Variants in LRRC49 observed in about 807,000 individuals in gnomAD.
The protein encoded by LRRC49 is leucine rich repeat containing 49.
LRRC49 carries 50 observed loss-of-function variants against 83.3 expected under a neutral mutation model. The observed-to-expected ratio is 0.60, with a 90% CI of 0.48 to 0.76. LRRC49 has a LOEUF of 0.76. Ranked by LOEUF, LRRC49 falls within the 30% of genes least tolerant of loss-of-function variation. LRRC49 has a pLI of 0.00. For missense variants in LRRC49, 704 were observed against 809.1 expected (o/e 0.87, Z 1.58); for synonymous variants, 286 against 283.3 (o/e 1.01, Z -0.10).
intron 11 of LRRC49, among the ~76,000 whole-genome samples, chr15:71,006,507 CT>C (rs2038463363): frequency 6.6e-6 from 1 of 152,128 alleles, no homozygotes; most frequent in South Asian, 2.1e-4. Flanking sequence ...GTCTATATCA[CT>C]GATTCTGCCC....
chr15:70,963,762 A>G, intron 8 of LRRC49, 23 bp from the exon 9 acceptor site: 1 of 1,608,956 alleles, frequency 6.2e-7, no homozygotes. Flanking sequence ...AGAATAATCC[A>G]GTGGTTTCTG....
intron 1 of LRRC49, among the ~76,000 whole-genome samples, chr15:70,872,082 C>T (rs2033059050): frequency 6.6e-6 from 1 of 152,228 alleles, no homozygotes; most frequent in Admixed American, 6.5e-5. Context: ...CGAGATCACG[C>T]CACTGCACTC....
chr15:70,903,910 T>C (rs1300668928), intron 4 of LRRC49, among the ~76,000 whole-genome samples: 5 of 152,204 alleles, frequency 3.3e-5, no homozygotes, highest in African/African-American at 1.2e-4. Flanking sequence ...CCTGTAGCAC[T>C]CTAAATGTTC....
intron 2 of LRRC49, among the ~76,000 whole-genome samples, chr15:70,885,885 A>T (rs1469643578): frequency 6.6e-6 from 1 of 152,204 alleles, no homozygotes; most frequent in Non-Finnish European, 1.5e-5. Context: ...CAGTACGCAC[A>T]TTCATCTCAA....
At chr15:70,947,463 T>C (rs1432587359) in intron 8 of LRRC49, among the ~76,000 whole-genome samples, 1 of 152,012 alleles carries the variant, frequency 6.6e-6, no homozygotes, top group African/African-American at 2.4e-5. Context: ...ACAGAGAACA[T>C]ACAAAGACGT....
Position 70,911,520 on chromosome 15 carries a change from T to C in LRRC49, c.501-12T>C, listed in dbSNP as rs779336067. ...ACATCCGTATTTCTATTCTACTTAT[T>C]CTGGTTTTCAGAATCAAGAAAATCT... On this transcript the variant is annotated splice_polypyrimidine_tract_variant and intron_variant, in intron 5 of 15. Coordinates refer to ENST00000260382, the MANE Select transcript of LRRC49 (RefSeq NM_017691.5). The C allele has an allele frequency of 2.0e-6, 3 of 1,481,024 alleles. No individual in the cohort carries two copies. The highest frequency in any genetic ancestry group is 1.9e-5 in the Admixed American group (1 of 53,952). 91.7% of individuals were successfully genotyped at this position (1,481,024 alleles called of 1,614,324 possible). A position where few individuals can be genotyped will look rare whatever the true frequency, so the allele number is the denominator to read the frequency against.
chr15:70,865,194 C>T (rs10851833), intron 1 of LRRC49, among the ~76,000 whole-genome samples: 83,089 of 151,996 alleles, frequency 0.55, 23,474 homozygotes, highest in Admixed American at 0.69. Flanking sequence ...CTCTATTCTG[C>T]TTAGTGGTTA....
Position 71,050,653 on chromosome 15 carries a change from G to T in LRRC49, c.*1041G>T, listed in dbSNP as rs1561691. On this transcript the variant is annotated 3_prime_UTR_variant, in exon 16 of 16. Transcript: ENST00000260382. ...GGGAAAACAGGACTAGAAGATGTAC[G>T]ACAGCAAAGACATGCAGAGACATGC... is the stretch of plus-strand genomic sequence containing the variant. 3 of 151,952 alleles carry T rather than the reference G, an allele frequency of 2.0e-5. No individual in the cohort carries two copies. Among genetic ancestry groups the T allele is most frequent in the African/African-American group, 7.3e-5 (3 of 41,324 alleles). The allele number at this position is 151,952 out of a possible 1,614,324, so 9.4% of individuals were successfully genotyped here. A position where few individuals can be genotyped will look rare whatever the true frequency, so the allele number is the denominator to read the frequency against.
chr15:70,882,747 G>A, intron 2 of LRRC49: 1 of 1,613,796 alleles, frequency 6.2e-7, no homozygotes, highest in Non-Finnish European at 8.5e-7. Flanking sequence ...ATCCATTGAA[G>A]AGTCAAAACA....
intron 11 of LRRC49, among the ~76,000 whole-genome samples, chr15:70,990,637 C>T (rs1265670804): frequency 6.6e-6 from 1 of 152,214 alleles, no homozygotes; most frequent in Admixed American, 6.5e-5. Context: ...GTGCGCTGCA[C>T]CCACTGTCCT....
intron 6 of LRRC49, among the ~76,000 whole-genome samples, chr15:70,916,345 A>G (rs2141129161): frequency 6.6e-6 from 1 of 152,156 alleles, no homozygotes; most frequent in Middle Eastern, 3.4e-3. Context: ...CCCAGGCTGG[A>G]GTGCAGTGGC....
chr15:70,990,645 C>T (rs1241882836), intron 11 of LRRC49, among the ~76,000 whole-genome samples: 23 of 152,204 alleles, frequency 1.5e-4, no homozygotes, highest in Admixed American at 1.5e-3. Context: ...CACCCACTGT[C>T]CTGCGCCCAC....
rs746923783 is a variant in LRRC49 at position 70,895,922 on chromosome 15, A to G, written c.179A>G (p.Tyr60Cys). The part of the protein sequence containing the change: ...RLLQHDLERN[Y>C]SSRQGDHINL... ...TTACAACATGACCTTGAAAGAAACT[A>G]CTCAAGTAGGCAAGGTATTGTCAGT... Residue 60 changes from tyrosine to cysteine, a missense_variant, in exon 3 of 16, where the codon TAC (tyrosine) becomes TGC (cysteine). Transcript: ENST00000260382. The G allele has an allele frequency of 4.4e-6, 7 of 1,603,416 alleles. No homozygotes were observed. In the African/African-American group the frequency reaches 8.0e-5, roughly 18 times the overall value.
intron 1 of LRRC49, 110 bp downstream of exon 1, chr15:70,893,052 T>C: frequency 1.6e-6 from 2 of 1,246,036 alleles, no homozygotes; most frequent in South Asian, 1.2e-5. Flanking sequence ...CTGGGTCTAC[T>C]CAAGCTATTG....
chr15:70,881,815 T>G (rs2033271138), intron 2 of LRRC49: 2 of 152,244 alleles, frequency 1.3e-5, no homozygotes, highest in South Asian at 4.1e-4. Context: ...CAAACAGATT[T>G]CATTAATAAG....
Position 71,012,949 on chromosome 15 carries a change from C to T in LRRC49, c.1703+36C>T, listed in dbSNP as rs2038705286. The T allele has an allele frequency of 2.3e-6, 3 of 1,286,308 alleles. No individual in the cohort carries two copies. The African/African-American group carries it at 4.5e-5, about 19-fold the overall frequency. 79.7% of individuals were successfully genotyped at this position (1,286,308 alleles called of 1,614,324 possible). A position where few individuals can be genotyped will look rare whatever the true frequency, so the allele number is the denominator to read the frequency against. On this transcript the variant is annotated intron_variant, in intron 14 of 15. Coordinates refer to ENST00000260382, the MANE Select transcript of LRRC49 (RefSeq NM_017691.5). ...ATTTTTGTAGTTTTTTATAGAATTA[C>T]TGTTACACTAGAAAAAGAAATAAAT...
chr15:70,943,732 A>G (rs1054176478), intron 8 of LRRC49, among the ~76,000 whole-genome samples: 3 of 152,146 alleles, frequency 2.0e-5, no homozygotes, highest in Non-Finnish European at 4.4e-5. Context: ...CACTTGCCCA[A>G]CTCCAGTGTG....
chr15:71,049,839 G>C lies in LRRC49; in HGVS notation c.*227G>C. On this transcript the variant is annotated 3_prime_UTR_variant, in exon 16 of 16. Coordinates refer to ENST00000260382, the MANE Select transcript of LRRC49 (RefSeq NM_017691.5). ...TATGTGAGGACCAAACAACCTTTGGGAACTAAACAGTTTTCAGAGATGGCG... is the reference window on the plus strand; with the variant it reads ...TATGTGAGGACCAAACAACCTTTGGCAACTAAACAGTTTTCAGAGATGGCG... 2.3e-6 allele frequency: 1 copy of C among 442,402 alleles called. No individual in the cohort carries two copies. The highest frequency in any genetic ancestry group is 3.6e-5 in the South Asian group (1 of 28,060). The allele number at this position is 442,402 out of a possible 1,614,324, so 27.4% of individuals were successfully genotyped here.
intron 14 of LRRC49, among the ~76,000 whole-genome samples, chr15:71,017,820 A>G (rs1051709933): frequency 6.6e-6 from 1 of 152,300 alleles, no homozygotes; most frequent in Non-Finnish European, 1.5e-5. Context: ...AAGCATACAT[A>G]TATTTGAACC....
Sources: allele counts gnomAD v4.1 joint callset (sites outside exome capture counted in the v4.1 genomes callset), GRCh38; gene constraint gnomAD v4.1.1; transcripts MANE v1.5; gene names NCBI Gene and HGNC (gene_info 2026-07-23, HGNC 2026-07-21).